The following ACSBG1 variants were observed in gnomAD, a reference collection of about 807,000 sequenced individuals.
The protein encoded by ACSBG1 is long-chain-fatty-acid--CoA ligase ACSBG1.
Under a neutral mutation model 80.2 loss-of-function variants are expected in ACSBG1, and 39 were observed. The ratio of observed to expected loss-of-function variants is 0.49; its 90% confidence interval spans 0.38 to 0.64. The LOEUF (loss-of-function observed/expected upper bound fraction) is 0.64, where lower values mean the gene tolerates loss of function less well. Among genes scored for constraint, ACSBG1 ranks in the 30% least tolerant of loss-of-function variants. ACSBG1 has a pLI of 0.00. For missense variants in ACSBG1, 828 were observed against 966.4 expected (o/e 0.86, Z 1.90); for synonymous variants, 392 against 379.5 (o/e 1.03, Z -0.38).
At chr15:78,209,051 G>A (rs1278737463) in intron 1 of ACSBG1, 1 of 434,840 alleles carries the variant, frequency 2.3e-6, no homozygotes, top group Non-Finnish European at 4.6e-6. Context: ...TGGTGTCCCT[G>A]AGGGTAGGAC....
chr15:78,205,655 GA>G (rs1268117070), intron 2 of ACSBG1, among the ~76,000 whole-genome samples: 3 of 152,172 alleles, frequency 2.0e-5, no homozygotes, highest in Non-Finnish European at 4.4e-5. Flanking sequence ...AAGATAAAAG[GA>G]AAGAATACAA....
chr15:78,234,329 G>A (rs199943497), intron 1 of ACSBG1, 42 bp downstream of exon 1: 88 of 1,598,132 alleles, frequency 5.5e-5, no homozygotes, highest in South Asian at 1.9e-4. Flanking sequence ...TCTAGAACTC[G>A]GCCCACAGGT....
At chr15:78,179,488 C>T (rs547207640) in intron 10 of ACSBG1, 62 bp downstream of exon 10, 29 of 1,485,078 alleles carry the variant, frequency 2.0e-5, no homozygotes, top group African/African-American at 4.1e-5. Flanking sequence ...ACTCAGCAGG[C>T]GGGCACAAAG....
Position 78,173,731 on chromosome 15 carries a change from C to G in ACSBG1, c.1951G>C (p.Glu651Gln). The G allele has an allele frequency of 1.2e-6, 2 of 1,614,216 alleles. No individual in the cohort carries two copies. The highest frequency in any genetic ancestry group is 2.2e-5 in the South Asian group (2 of 91,078). ...TGGTACACGGCCTCATCCTTCTTCT[C>G]TATGATCTCGGACACTGTGGTGGCT... ...SRATTVSEII[E>Q]KKDEAVYQAI... The change falls in exon 13 of 14, where the codon GAG becomes CAG. Residue 651 changes from glutamate to glutamine, a missense_variant. Glu to Gln is a conservative substitution (Grantham distance 29, BLOSUM62 2). Around this residue, in one of 3 missense-constraint regions of ACSBG1, gnomAD observed 201 missense variants for 227.0 expected, o/e 0.89. Transcript: ENST00000258873.
chr15:78,204,706 G>A (rs1028788794), intron 2 of ACSBG1, among the ~76,000 whole-genome samples: 5 of 152,208 alleles, frequency 3.3e-5, no homozygotes, highest in East Asian at 1.9e-4. Flanking sequence ...CGGAGGCTGC[G>A]GGGACAGGCA....
chr15:78,208,050 C>T lies in ACSBG1; in HGVS notation c.184G>A (p.Glu62Lys), dbSNP rs771018417. 65 of 1,613,726 alleles carry T rather than the reference C, an allele frequency of 4.0e-5. 1 individual carries two copies. The highest frequency in any genetic ancestry group is 3.3e-4 in the South Asian group (30 of 91,062). ...TTCACCTTCTCTGGCACTGAGAGCTCGAGAGCATGGTTCAGGGACTCTTTG... is the reference window on the plus strand; with the variant it reads ...TTCACCTTCTCTGGCACTGAGAGCTTGAGAGCATGGTTCAGGGACTCTTTG... ...LSKESLNHAL[E>K]LSVPEKVNNA... The change falls in exon 2 of 14, where the codon GAG (glutamate) becomes AAG (lysine). Residue 62 changes from glutamate (E) to lysine (K), a missense_variant. Around this residue, in one of 3 missense-constraint regions of ACSBG1, gnomAD observed 356 missense variants for 363.5 expected, o/e 0.98. Coordinates refer to ENST00000258873, the MANE Select transcript of ACSBG1 (RefSeq NM_015162.5).
In ACSBG1 at chr15:78,168,787, C is replaced by T; in HGVS notation, c.*2657G>A. ...TAGATGGTGGTGGAGTGGTTCCTCA[C>T]TTTGAAATGAGGAACTAAATGAAAG... On this transcript the variant is annotated 3_prime_UTR_variant, in exon 14 of 14. Transcript: ENST00000258873. 1.6e-6 allele frequency: 1 copy of T among 641,076 alleles called. No homozygotes were observed. The highest frequency in any genetic ancestry group is 2.8e-6 in the Non-Finnish European group (1 of 351,012). The allele number at this position is 641,076 out of a possible 1,614,324, so 39.7% of individuals were successfully genotyped here.
chr15:78,193,945 T>C lies in ACSBG1; in HGVS notation c.529A>G (p.Thr177Ala). Residue 177 changes from threonine to alanine, a missense_variant, in exon 4 of 14, where the codon ACA becomes GCA. Coordinates refer to ENST00000258873, the MANE Select transcript of ACSBG1 (RefSeq NM_015162.5). ...SPEWFFSAVGTVFAGGIVTGI... is the reference protein window; with the variant it reads ...SPEWFFSAVGAVFAGGIVTGI... ...CCCGCCACTCACCCTGCAAATACTG[T>C]GCCCACTGCCGAGAAGAACCACTCC... 1 of 1,613,944 alleles carries C rather than the reference T, an allele frequency of 6.2e-7. No homozygotes were observed. The highest frequency in any genetic ancestry group is 2.2e-5 in the East Asian group (1 of 44,864).
chr15:78,180,359 T>C (rs2074929977), intron 9 of ACSBG1, among the ~76,000 whole-genome samples: 1 of 152,062 alleles, frequency 6.6e-6, no homozygotes, highest in Admixed American at 6.6e-5. Context: ...TATAGAAAGA[T>C]AGAAAGGGCA....
intron 1 of ACSBG1, among the ~76,000 whole-genome samples, chr15:78,224,676 G>A (rs561101596): frequency 6.6e-5 from 10 of 151,944 alleles, no homozygotes; most frequent in East Asian, 3.9e-4. Flanking sequence ...AGCCGAGATC[G>A]CGCCACTGCA....
At chr15:78,181,027 C>A (rs1033969390) in intron 8 of ACSBG1, 91 bp from the exon 9 acceptor site, 28 of 1,472,028 alleles carry the variant, frequency 1.9e-5, no homozygotes, top group Non-Finnish European at 2.1e-5. Flanking sequence ...CGGTGGCACA[C>A]ACATGCTCCA....
In ACSBG1 at chr15:78,193,985, G is replaced by A. The variant is rs759944255; in HGVS notation, c.489C>T (p.Leu163=). The change falls in exon 4 of 14, where the codon CTC becomes CTT. Residue 163 remains leucine (L), a synonymous_variant. Transcript: ENST00000258873. ...GLKQAHSVAI[L]GFNSPEWFFS... is the part of the protein sequence containing the mutation. ...AGAACCACTCCGGGGAGTTGAAGCC[G>A]AGGATGGCCACACTGTGGGCCTGCT... 15 of 1,613,888 alleles carry A rather than the reference G, an allele frequency of 9.3e-6. No individual in the cohort carries two copies. Among genetic ancestry groups the A allele is most frequent in the East Asian group, 6.7e-5 (3 of 44,880 alleles).
chr15:78,208,131 A>G (rs748088644), intron 1 of ACSBG1, 29 bp from the exon 2 acceptor site: 2 of 1,583,520 alleles, frequency 1.3e-6, no homozygotes, highest in South Asian at 1.1e-5. Flanking sequence ...CAGGAAAAAC[A>G]TTCATTAGAA....
intron 12 of ACSBG1, 38 bp downstream of exon 12, chr15:78,174,347 C>T: frequency 6.2e-7 from 1 of 1,614,028 alleles, no homozygotes; most frequent in South Asian, 1.1e-5. Flanking sequence ...GACCCCCTCA[C>T]TGGCTGCTCC....
chr15:78,233,601 C>T (rs1288920450), intron 1 of ACSBG1, among the ~76,000 whole-genome samples: 13 of 152,224 alleles, frequency 8.5e-5, no homozygotes, highest in South Asian at 6.2e-4. Context: ...CCATCTCAGG[C>T]GCCCCAGTTA....
At chr15:78,203,511 G>A (rs1430823117) in intron 2 of ACSBG1, among the ~76,000 whole-genome samples, 5 of 152,204 alleles carry the variant, frequency 3.3e-5, no homozygotes, top group African/African-American at 4.8e-5. Context: ...ACTCTCTGCC[G>A]CCTCCCTCTC....
In ACSBG1 at chr15:78,172,337, C is replaced by T. The variant is rs1038683763; in HGVS notation, c.2090-808G>A. Among the ~76,000 whole-genome samples the T allele has an allele frequency of 6.6e-6, 1 of 152,324 alleles. No homozygotes were observed. Among genetic ancestry groups the T allele is most frequent in the Non-Finnish European group, 1.5e-5 (1 of 68,026 alleles). ...CACATCATCTCTGCATTTTTGTGAA[C>T]GTTTATACAACGTTGGACATTATGC... On this transcript the variant is annotated intron_variant, in intron 13 of 13. Transcript: ENST00000258873. The surrounding 1 kb of genome is among the most constrained non-coding windows in gnomAD (Gnocchi z 4.1).
chr15:78,196,686 T>G (rs1005274157), intron 2 of ACSBG1, among the ~76,000 whole-genome samples: 1 of 152,194 alleles, frequency 6.6e-6, no homozygotes, highest in African/African-American at 2.4e-5. Context: ...GCATTGTTTA[T>G]GAGTCAAAAA....
At chr15:78,182,991 G>C (rs2074964587) in intron 5 of ACSBG1, 2 of 596,956 alleles carry the variant, frequency 3.4e-6, no homozygotes, top group African/African-American at 3.7e-5. Flanking sequence ...ATAGCCAGGG[G>C]ACTGGGGATG....
Sources: gnomAD v4.1 joint callset for allele counts (sites outside exome capture counted in the v4.1 genomes callset) on GRCh38, gnomAD v4.1.1 for gene constraint, gnomAD v4.1.1 regional missense constraint, Gnocchi (gnomAD v3.1) non-coding constraint, MANE v1.5 for transcripts, NCBI Gene and HGNC (gene_info 2026-07-23, HGNC 2026-07-21) for gene names.